RTN3: variants seen among roughly 807,000 people sequenced by gnomAD.
RTN3 encodes the protein reticulon-3.
A neutral mutation model predicts 77.8 loss-of-function variants in RTN3; 49 were observed. That is an observed-to-expected ratio of 0.63 (90% CI 0.50 to 0.80). RTN3 has a LOEUF of 0.80. Ranked by LOEUF, RTN3 falls within the 30% of genes least tolerant of loss-of-function variation. RTN3 has a pLI of 0.00. For missense variants in RTN3, 1,236 were observed against 1,211.9 expected (o/e 1.02, Z -0.29); for synonymous variants, 464 against 446.9 (o/e 1.04, Z -0.48).
rs570976090 is a variant in RTN3 at position 63,707,875 on chromosome 11, T to C, written c.199+2968T>C. Among the ~76,000 whole-genome samples the C allele has an allele frequency of 2.6e-5, 4 of 152,106 alleles. No homozygotes were observed. The South Asian group carries it at 8.3e-4, about 32-fold the overall frequency. Reference sequence around the variant, plus strand: ...AAAGAATGCCCTATCCTCGAATGGGTTTCATTTAACCTATATTAGTAGCAT... The same window carrying C: ...AAAGAATGCCCTATCCTCGAATGGGCTTCATTTAACCTATATTAGTAGCAT... On this transcript the variant is annotated intron_variant, in intron 2 of 8. Coordinates refer to ENST00000377819, the MANE Select transcript of RTN3 (RefSeq NM_001265589.2).
At chr11:63,758,050 C>T in intron 8 of RTN3, 106 bp from the exon 9 acceptor site, 2 of 787,580 alleles carry the variant, frequency 2.5e-6, no homozygotes, top group South Asian at 1.9e-5. Context: ...TTTCACATTG[C>T]TTATGCAAGT....
chr11:63,730,364 C>T (rs1315508454), intron 3 of RTN3, among the ~76,000 whole-genome samples: 1 of 152,126 alleles, frequency 6.6e-6, no homozygotes, highest in Non-Finnish European at 1.5e-5. Context: ...AAACAGTAAG[C>T]ATAAGAAGAT....
At position 63,719,239 on chromosome 11, in the gene RTN3, C is replaced by G. The variant is rs762844507; in HGVS notation, c.737C>G (p.Ser246Ter). Residue 246 changes from serine (S) to a stop codon, truncating the protein, a stop_gained, in exon 3 of 9, where the codon TCA becomes TGA. Transcript: ENST00000377819. LOFTEE classifies it high-confidence loss of function. ...DDVIEKDSPE[S>*]PFEVIIDKAA... ...GTTATTGAAAAGGATTCCCCTGAAT[C>G]ACCATTTGAAGTAATTATTGACAAA... The G allele has an allele frequency of 6.2e-7, 1 of 1,614,072 alleles. No homozygotes were observed. The highest frequency in any genetic ancestry group is 8.5e-7 in the Non-Finnish European group (1 of 1,179,998).
chr11:63,750,723 T>C lies in RTN3; in HGVS notation c.2738+525T>C, dbSNP rs541624877. Among the ~76,000 whole-genome samples, 2 of 148,236 alleles carry C rather than the reference T, an allele frequency of 1.3e-5. 1 individual carries two copies. Among genetic ancestry groups the C allele is most frequent in the South Asian group, 4.3e-4 (2 of 4,642 alleles). On this transcript the variant is annotated intron_variant, in intron 4 of 8. Transcript: ENST00000377819. ...CGCCTCAGCCTCCCAAAGTGCTGTTTTTTTTGTTTTTTGTTTGTGTGTTTT... is the reference window on the plus strand; with the variant it reads ...CGCCTCAGCCTCCCAAAGTGCTGTTCTTTTTGTTTTTTGTTTGTGTGTTTT...
intron 1 of RTN3, among the ~76,000 whole-genome samples, chr11:63,699,470 C>T (rs1037465688): frequency 6.6e-6 from 1 of 152,164 alleles, no homozygotes; most frequent in Non-Finnish European, 1.5e-5. Flanking sequence ...TGCCTTAGTG[C>T]GAGCCCTTAT....
intron 3 of RTN3, among the ~76,000 whole-genome samples, chr11:63,735,600 C>CTCTT (rs2013062419): frequency 6.8e-6 from 1 of 147,054 alleles, no homozygotes; most frequent in African/African-American, 2.6e-5. Flanking sequence ...CTCTCTCTCT[C>CTCTT]TTTCTTTCAA....
intron 2 of RTN3, among the ~76,000 whole-genome samples, chr11:63,708,935 A>G (rs1201570540): frequency 6.6e-6 from 1 of 152,234 alleles, no homozygotes; most frequent in Non-Finnish European, 1.5e-5. Context: ...TTTTTATTGA[A>G]CTTTTACTAT....
At position 63,704,919 on chromosome 11, in the gene RTN3, AT is replaced by A. The variant is rs767816984; in HGVS notation, c.199+19del. On this transcript the variant is annotated intron_variant, in intron 2 of 8. Transcript: ENST00000377819. ...TTCGACCTCACAAGGCAAGTCTGTA[AT>A]TTTTTTGTGTGCATTGGTAAAAGAA... is the stretch of plus-strand genomic sequence containing the variant. 19 of 1,602,508 alleles carry A rather than the reference AT, an allele frequency of 1.2e-5. No individual in the cohort carries two copies. Among genetic ancestry groups the A allele is most frequent in the Admixed American group, 1.7e-5 (1 of 59,956 alleles).
At position 63,730,118 on chromosome 11, in the gene RTN3, C is replaced by T. The variant is rs532768067; in HGVS notation, c.2530+9086C>T. On this transcript the variant is annotated intron_variant, in intron 3 of 8. Transcript: ENST00000377819. ...AGTAGCTGGGATTACAGGCACTCAC[C>T]ACCACGCCTGGCTTATTTTTGTATT... Among the ~76,000 whole-genome samples, 74 of 152,218 alleles carry T rather than the reference C, an allele frequency of 4.9e-4. 1 individual carries two copies. Among genetic ancestry groups the T allele is most frequent in the African/African-American group, 1.7e-3 (69 of 41,524 alleles).
Position 63,706,128 on chromosome 11 carries a change from T to G in RTN3, c.199+1221T>G, listed in dbSNP as rs151012529. 9.3e-4 allele frequency among the ~76,000 whole-genome samples: 142 copies of G among 152,300 alleles called. 1 individual carries two copies. Among genetic ancestry groups the G allele is most frequent in the African/African-American group, 3.2e-3 (131 of 41,584 alleles). ...GATTTAAAAAAATTAGTAAAACTTT[T>G]GCCTGGTTAAATCTGCTTCTTAGGA... On this transcript the variant is annotated intron_variant, in intron 2 of 8. Coordinates refer to ENST00000377819, the MANE Select transcript of RTN3 (RefSeq NM_001265589.2).
chr11:63,719,993 T>C lies in RTN3; in HGVS notation c.1491T>C (p.Ser497=), dbSNP rs772158318. The C allele has an allele frequency of 2.5e-6, 4 of 1,614,178 alleles. No individual in the cohort carries two copies. The highest frequency in any genetic ancestry group is 1.7e-5 in the Admixed American group (1 of 60,026). Residue 497 remains serine, a synonymous_variant, in exon 3 of 9, where the codon TCT becomes TCC. Coordinates refer to ENST00000377819, the MANE Select transcript of RTN3 (RefSeq NM_001265589.2). ...GAGAAATCACAGAAGCTGATAGTTC[T>C]GGTGAGTCTGATGACACAGTAATAG... is the stretch of plus-strand genomic sequence containing the variant. ...ALGEITEADS[S]GESDDTVIED...
At chr11:63,691,092 T>A (rs1941631432) in intron 1 of RTN3, among the ~76,000 whole-genome samples, 1 of 151,918 alleles carries the variant, frequency 6.6e-6, no homozygotes, top group Non-Finnish European at 1.5e-5. Flanking sequence ...TTCCTTATTC[T>A]TGAGATTTAA....
At chr11:63,708,215 C>A (rs1179829285) in intron 2 of RTN3, among the ~76,000 whole-genome samples, 5 of 152,162 alleles carry the variant, frequency 3.3e-5, no homozygotes, top group Non-Finnish European at 1.5e-5. Flanking sequence ...CACTTTGAGT[C>A]CGTCACTGAC....
chr11:63,738,543 G>A (rs1021165691), intron 3 of RTN3, among the ~76,000 whole-genome samples: 2 of 151,382 alleles, frequency 1.3e-5, no homozygotes, highest in Non-Finnish European at 2.9e-5. Context: ...TTGGGAGGCT[G>A]AGGCAGGAGG....
intron 2 of RTN3, chr11:63,713,958 G>A: frequency 1.9e-6 from 1 of 513,352 alleles, no homozygotes; most frequent in Non-Finnish European, 3.9e-6. Context: ...GGACTTTTCT[G>A]TCCTTTTGCC....
chr11:63,746,232 C>T (rs1454222986), intron 3 of RTN3, among the ~76,000 whole-genome samples: 1 of 152,176 alleles, frequency 6.6e-6, no homozygotes, highest in African/African-American at 2.4e-5. Flanking sequence ...TTTCCTCTTC[C>T]TGTCTTTCAA....
rs2014530083 is a variant in RTN3 at position 63,758,997 on chromosome 11, TCC to T, written c.*799_*800del. 6.6e-6 allele frequency: 1 copy of T among 152,204 alleles called. No homozygotes were observed. Among genetic ancestry groups the T allele is most frequent in the Admixed American group, 6.5e-5 (1 of 15,278 alleles). The allele number at this position is 152,204 out of a possible 1,614,324, so 9.4% of individuals were successfully genotyped here. A position where few individuals can be genotyped will look rare whatever the true frequency, so the allele number is the denominator to read the frequency against. On this transcript the variant is annotated 3_prime_UTR_variant, in exon 9 of 9. Transcript: ENST00000377819. ...GTTCCCGAATGTGCTTTCCTCCCTC[TCC>T]CCTGCCCACCTCAAGTTTAATAAAT...
At chr11:63,698,600 C>G (rs1436743549) in intron 1 of RTN3, 1 of 167,194 alleles carries the variant, frequency 6.0e-6, no homozygotes, top group Non-Finnish European at 1.5e-5. Context: ...TTCATGCCAT[C>G]TGGTAAGATC....
chr11:63,683,688 T>C (rs1046853496), intron 1 of RTN3, among the ~76,000 whole-genome samples: 17 of 152,348 alleles, frequency 1.1e-4, no homozygotes, highest in South Asian at 4.1e-4. Context: ...ACGAATTTAA[T>C]GACATAACAT....
Sources: gnomAD v4.1 joint callset for allele counts (sites outside exome capture counted in the v4.1 genomes callset) on GRCh38, gnomAD v4.1.1 for gene constraint, MANE v1.5 for transcripts, NCBI Gene and HGNC (gene_info 2026-07-23, HGNC 2026-07-21) for gene names.